The following GPM6B variants were observed in gnomAD, a reference collection of about 807,000 sequenced individuals.
GPM6B encodes the protein glycoprotein M6B.
Under a neutral mutation model 27.2 loss-of-function variants are expected in GPM6B, and 4 were observed. The observed-to-expected ratio is 0.15, with a 90% CI of 0.07 to 0.34. The LOEUF (loss-of-function observed/expected upper bound fraction) is 0.34, where lower values mean the gene tolerates loss of function less well. GPM6B is among the 10% of genes least tolerant of loss of function. The pLI is 1.00. For missense variants in GPM6B, 183 were observed against 261.9 expected (o/e 0.70, Z 2.08); for synonymous variants, 124 against 103.1 (o/e 1.20, Z -1.23).
intron 1 of GPM6B, among the ~76,000 whole-genome samples, chrX:13,822,367 T>A (rs2049318375): frequency 1.8e-5 from 2 of 110,722 alleles, no homozygotes; most frequent in Non-Finnish European, 3.8e-5. Flanking sequence ...ACTCCTATTT[T>A]TTTTTTTTCT....
rs1217808687 is a variant in GPM6B, at chrX:13,772,800, A to C, written c.*81T>G. 4 of 939,548 alleles carry C rather than the reference A, an allele frequency of 4.3e-6. No homozygotes were observed. Among genetic ancestry groups the C allele is most frequent in the Non-Finnish European group, 6.0e-6 (4 of 665,939 alleles). The allele number at this position is 939,548 out of a possible 1,213,427, so 77.4% of individuals were successfully genotyped here. A position where few individuals can be genotyped will look rare whatever the true frequency, so the allele number is the denominator to read the frequency against. On this transcript the variant is annotated 3_prime_UTR_variant, in exon 8 of 8. Transcript: ENST00000316715. ...TGTACATCTACATTAGTTTGGTGGG[A>C]TACACATCTGTACTGCAGAGCAGCT...
intron 1 of GPM6B, among the ~76,000 whole-genome samples, chrX:13,841,169 G>A (rs964380690): frequency 4.5e-5 from 5 of 111,353 alleles, no homozygotes; most frequent in South Asian, 3.8e-4. Flanking sequence ...ACATTTATAC[G>A]TACACATACT....
intron 2 of GPM6B, among the ~76,000 whole-genome samples, chrX:13,795,742 C>CTTTTTTTTT (rs146240939): frequency 1.2e-5 from 1 of 82,798 alleles, no homozygotes; most frequent in Non-Finnish European, 2.3e-5. Context: ...AATTTCTTTT[C>CTTTTTTTTT]TTTTTTTTTT....
At chrX:13,799,896 G>C (rs2048889061) in intron 2 of GPM6B, among the ~76,000 whole-genome samples, 1 of 111,601 alleles carries the variant, frequency 9.0e-6, no homozygotes, top group Non-Finnish European at 1.9e-5. Context: ...TACAGACTGT[G>C]GCAGGCAGCT....
intron 1 of GPM6B, among the ~76,000 whole-genome samples, chrX:13,885,487 A>G (rs1455780903): frequency 9.0e-6 from 1 of 111,719 alleles, no homozygotes; most frequent in Non-Finnish European, 1.9e-5. Context: ...TAGTGAAAGA[A>G]GGCATGTAAA....
rs774757102 is a variant in GPM6B at position 13,783,476 on chromosome X, G to A, written c.414C>T (p.Phe138=). The change falls in exon 4 of 8, where the codon TTC becomes TTT. Residue 138 remains phenylalanine (F), a synonymous_variant. Coordinates refer to ENST00000316715, the MANE Select transcript of GPM6B (RefSeq NM_001001995.3). The part of the protein sequence containing the change: ...QYVIYGIASF[F]FLYGIILLAE... ...CCAACAGAATGATCCCATACAAGAA[G>A]AAAAAGGACGCAATTCCATAGATGA... 1 of 1,203,935 alleles carries A rather than the reference G, an allele frequency of 8.3e-7. No individual in the cohort carries two copies. The highest frequency in any genetic ancestry group is 1.1e-6 in the Non-Finnish European group (1 of 889,763).
chrX:13,794,170 TTCTCTC>T (rs775581413), intron 2 of GPM6B, among the ~76,000 whole-genome samples: 1 of 107,863 alleles, frequency 9.3e-6, no homozygotes, highest in Non-Finnish European at 1.9e-5. Flanking sequence ...AGAGCAGTGG[TTCTCTC>T]TCTCTCTCTC....
chrX:13,841,336 C>A (rs908698569), intron 1 of GPM6B, among the ~76,000 whole-genome samples: 1 of 111,800 alleles, frequency 8.9e-6, no homozygotes, highest in Non-Finnish European at 1.9e-5. Context: ...ACTTCAGAAC[C>A]TCAGCTCTGC....
At chrX:13,828,119 C>A (rs2049397711) in intron 1 of GPM6B, among the ~76,000 whole-genome samples, 1 of 111,355 alleles carries the variant, frequency 9.0e-6, no homozygotes, top group Admixed American at 9.5e-5. Context: ...TTATATTTTT[C>A]TAATCTTTGT....
chrX:13,899,405 CAAAAAAAAA>C (rs58085220), intron 1 of GPM6B, among the ~76,000 whole-genome samples: 2 of 36,317 alleles, frequency 5.5e-5, no homozygotes, highest in African/African-American at 1.0e-4. Flanking sequence ...GACTCTGTCT[CAAAAAAAAA>C]AAAAAAAAAA....
At chrX:13,803,514 T>C (rs1456196294) in intron 2 of GPM6B, among the ~76,000 whole-genome samples, 1 of 112,012 alleles carries the variant, frequency 8.9e-6, no homozygotes, top group Non-Finnish European at 1.9e-5. Flanking sequence ...CATTTTGGAT[T>C]TGAGAGGCGG....
chrX:13,851,831 A>C (rs759849888), intron 1 of GPM6B, among the ~76,000 whole-genome samples: 113 of 111,303 alleles, frequency 1.0e-3, no homozygotes, highest in African/African-American at 3.5e-3. Flanking sequence ...GAGATCATTC[A>C]TTGCTTCTTA....
intron 1 of GPM6B, among the ~76,000 whole-genome samples, chrX:13,917,260 CA>C (rs1316814851): frequency 8.9e-6 from 1 of 112,209 alleles, no homozygotes. Flanking sequence ...CTTAACTTGG[CA>C]AAAACACATG....
chrX:13,811,393 C>CA (rs1414965518), intron 1 of GPM6B, among the ~76,000 whole-genome samples: 1 of 112,696 alleles, frequency 8.9e-6, no homozygotes, highest in Admixed American at 9.3e-5. Context: ...AACTAAGTGA[C>CA]AAACACTGAG....
At chrX:13,853,146 G>A (rs190383266) in intron 1 of GPM6B, among the ~76,000 whole-genome samples, 1 of 110,985 alleles carries the variant, frequency 9.0e-6, no homozygotes, top group Non-Finnish European at 1.9e-5. Context: ...TTTTCATCAG[G>A]AAAAAAGCTG....
intron 2 of GPM6B, among the ~76,000 whole-genome samples, chrX:13,806,279 G>A (rs1471930239): frequency 1.8e-5 from 2 of 112,317 alleles, no homozygotes; most frequent in Non-Finnish European, 3.8e-5. Flanking sequence ...TTGGTCTCTT[G>A]TGTCTGGCTT....
At chrX:13,877,667 C>T (rs199992439) in intron 1 of GPM6B, among the ~76,000 whole-genome samples, 1 of 100,861 alleles carries the variant, frequency 9.9e-6, no homozygotes, top group African/African-American at 3.7e-5. Context: ...ACAAAAAAAA[C>T]CCCTGAAAAT....
At chrX:13,846,198 TCCCA>T (rs1237599714) in intron 1 of GPM6B, among the ~76,000 whole-genome samples, 2 of 110,154 alleles carry the variant, frequency 1.8e-5, no homozygotes, top group African/African-American at 6.6e-5. Context: ...AATTCTGAAT[TCCCA>T]CCCACGCACC....
At chrX:13,810,691 G>A (rs1014075941) in intron 1 of GPM6B, among the ~76,000 whole-genome samples, 5 of 106,352 alleles carry the variant, frequency 4.7e-5, no homozygotes, top group Non-Finnish European at 7.7e-5. Flanking sequence ...CAATGTTAAC[G>A]TGTTTTCTGA....
Sources: allele counts gnomAD v4.1 joint callset (sites outside exome capture counted in the v4.1 genomes callset), GRCh38; gene constraint gnomAD v4.1.1; transcripts MANE v1.5; gene names NCBI Gene and HGNC (gene_info 2026-07-23, HGNC 2026-07-21).